Variants in SPOCK3 observed in about 807,000 individuals in gnomAD.
SPOCK3 encodes SPARC (osteonectin), cwcv and kazal like domains proteoglycan 3, also known as testican-3.
A neutral mutation model predicts 56.6 loss-of-function variants in SPOCK3; 30 were observed. That is an observed-to-expected ratio of 0.53 (90% CI 0.40 to 0.72). The LOEUF (loss-of-function observed/expected upper bound fraction) is 0.72, where lower values mean the gene tolerates loss of function less well. Among genes scored for constraint, SPOCK3 ranks in the 30% least tolerant of loss-of-function variants. SPOCK3 has a pLI of 0.00. For synonymous variants in SPOCK3, 196 were observed against 183.3 expected (o/e 1.07, Z -0.56); for missense variants, 527 against 530.0 (o/e 0.99, Z 0.06).
intron 3 of SPOCK3, among the ~76,000 whole-genome samples, chr4:167,040,496 C>G (rs549160183): frequency 9.2e-5 from 14 of 152,168 alleles, no homozygotes; most frequent in Non-Finnish European, 1.9e-4. Flanking sequence ...GTATAAGAAA[C>G]TGCAAAATAT....
intron 2 of SPOCK3, among the ~76,000 whole-genome samples, chr4:167,063,610 A>G (rs897724053): frequency 6.6e-6 from 1 of 151,916 alleles, no homozygotes; most frequent in African/African-American, 2.4e-5. Flanking sequence ...CTCAGCTTGT[A>G]GTGTAACCAT....
chr4:166,927,337 C>A (rs987165130), intron 4 of SPOCK3, among the ~76,000 whole-genome samples: 1 of 152,102 alleles, frequency 6.6e-6, no homozygotes, highest in Non-Finnish European at 1.5e-5. Flanking sequence ...TTCATGTGGG[C>A]TCATGAGACC....
chr4:166,864,747 C>A (rs960103838), intron 6 of SPOCK3, among the ~76,000 whole-genome samples: 1 of 152,010 alleles, frequency 6.6e-6, no homozygotes, highest in African/African-American at 2.4e-5. Flanking sequence ...AGTCAAATCC[C>A]TGAATAGACC....
chr4:166,805,711 GT>G (rs1334214821), intron 6 of SPOCK3, among the ~76,000 whole-genome samples: 1 of 152,004 alleles, frequency 6.6e-6, no homozygotes, highest in Non-Finnish European at 1.5e-5. Flanking sequence ...GAAAATTACT[GT>G]GGGGTAAAAA....
At chr4:167,178,499 T>C (rs1290014554) in intron 2 of SPOCK3, among the ~76,000 whole-genome samples, 1 of 152,156 alleles carries the variant, frequency 6.6e-6, no homozygotes, top group East Asian at 1.9e-4. Context: ...TTTGTCTCAC[T>C]GAAAGTTCCA....
intron 2 of SPOCK3, among the ~76,000 whole-genome samples, chr4:167,161,144 T>A (rs1291876835): frequency 3.9e-5 from 6 of 152,156 alleles, no homozygotes; most frequent in Admixed American, 6.6e-5. Flanking sequence ...AATCCACTCA[T>A]CTGACAAAGG....
At chr4:166,951,604 C>T (rs1205848789) in intron 4 of SPOCK3, among the ~76,000 whole-genome samples, 1 of 132,688 alleles carries the variant, frequency 7.5e-6, no homozygotes. Context: ...CATCCTGATA[C>T]CAAAGCTGGG....
At chr4:166,970,966 G>A (rs954071247) in intron 4 of SPOCK3, among the ~76,000 whole-genome samples, 3 of 152,224 alleles carry the variant, frequency 2.0e-5, no homozygotes, top group Admixed American at 6.5e-5. Context: ...GTACTCAAGG[G>A]ATCCTCTCAT....
At chr4:167,023,360 C>T (rs1444504158) in intron 3 of SPOCK3, among the ~76,000 whole-genome samples, 1 of 151,646 alleles carries the variant, frequency 6.6e-6, no homozygotes, top group Admixed American at 6.6e-5. Flanking sequence ...ACTCAAATGT[C>T]TAATAGTACT....
chr4:167,112,848 T>TTAAA (rs1554038269), intron 2 of SPOCK3, among the ~76,000 whole-genome samples: 1,663 of 149,576 alleles, frequency 0.011, 18 homozygotes, highest in Non-Finnish European at 0.017. Context: ...TGCTCTTTTT[T>TTAAA]AAAAAAAAAA....
At chr4:166,855,169 G>A (rs1730521635) in intron 6 of SPOCK3, among the ~76,000 whole-genome samples, 1 of 151,990 alleles carries the variant, frequency 6.6e-6, no homozygotes, top group South Asian at 2.1e-4. Context: ...ATCTTCAGAG[G>A]GCCAAGAGAA....
chr4:167,173,684 G>A (rs546208885), intron 2 of SPOCK3, among the ~76,000 whole-genome samples: 8 of 152,198 alleles, frequency 5.3e-5, no homozygotes, highest in African/African-American at 1.7e-4. Context: ...CTGAGTAATG[G>A]GTACTGTGCT....
intron 6 of SPOCK3, among the ~76,000 whole-genome samples, chr4:166,794,845 G>C (rs748591979): frequency 2.5e-4 from 38 of 152,032 alleles, no homozygotes; most frequent in Middle Eastern, 6.8e-3. Context: ...GTTTCACCAT[G>C]TTAGCCAGGC....
At chr4:166,911,810 A>G (rs1178109837) in intron 5 of SPOCK3, among the ~76,000 whole-genome samples, 3 of 152,186 alleles carry the variant, frequency 2.0e-5, no homozygotes, top group African/African-American at 7.2e-5. Context: ...TGCTGGGGTT[A>G]CAGGCGTGAA....
chr4:166,855,693 G>T (rs1364786091), intron 6 of SPOCK3, among the ~76,000 whole-genome samples: 1 of 152,132 alleles, frequency 6.6e-6, no homozygotes, highest in African/African-American at 2.4e-5. Flanking sequence ...TGCATCATGT[G>T]CCAGGAAAAT....
At chr4:166,773,358 T>A (rs1445696324) in intron 7 of SPOCK3, among the ~76,000 whole-genome samples, 2 of 152,174 alleles carry the variant, frequency 1.3e-5, no homozygotes, top group Admixed American at 1.3e-4. Flanking sequence ...AGCTAAAATT[T>A]TAATTGTTAT....
intron 2 of SPOCK3, among the ~76,000 whole-genome samples, chr4:167,103,609 T>A (rs1435868037): frequency 6.6e-6 from 1 of 152,118 alleles, no homozygotes; most frequent in Non-Finnish European, 1.5e-5. Context: ...GGTTTCTGAC[T>A]TCAGTTCCTG....
intron 9 of SPOCK3, 131 bp downstream of exon 9, chr4:166,741,866 A>T: frequency 1.5e-6 from 1 of 671,202 alleles, no homozygotes; most frequent in East Asian, 2.6e-5. Flanking sequence ...GCTTTCAAAA[A>T]GTTCATAAAT....
At chr4:166,896,605 T>C (rs1560984100) in intron 5 of SPOCK3, among the ~76,000 whole-genome samples, 1 of 152,172 alleles carries the variant, frequency 6.6e-6, no homozygotes, top group Non-Finnish European at 1.5e-5. Context: ...TCATGGCCCA[T>C]CTTTATGTGG....
Sources: allele counts gnomAD v4.1 joint callset (sites outside exome capture counted in the v4.1 genomes callset), GRCh38; gene constraint gnomAD v4.1.1; transcripts MANE v1.5; gene names NCBI Gene and HGNC (gene_info 2026-07-23, HGNC 2026-07-21).